Variants in ACACA observed in about 807,000 individuals in gnomAD.
The protein encoded by ACACA is acetyl-CoA carboxylase alpha.
In ACACA, 103 loss-of-function variants were observed where a neutral mutation model predicts 296.1. The ratio of observed to expected loss-of-function variants is 0.35; its 90% CI spans 0.30 to 0.41. The LOEUF is 0.41. Among genes scored for constraint, ACACA ranks in the 10% least tolerant of loss-of-function variants. The pLI is 1.00. For missense variants in ACACA, 1,554 were observed against 2,989.7 expected, an observed-to-expected ratio of 0.52 and a Z score of 11.20; for synonymous variants, 953 against 1,038.6, an observed-to-expected ratio of 0.92 and a Z score of 1.58.
chr17:37,247,259 A>G (rs187012468), intron 18 of ACACA, among the ~76,000 whole-genome samples: 1 of 152,366 alleles, frequency 6.6e-6, no homozygotes, highest in East Asian at 1.9e-4. Context: ...TGATGACGTA[A>G]TAGCTAACAT....
At chr17:37,225,434 C>A in intron 26 of ACACA, 1 of 273,896 alleles carries the variant, frequency 3.7e-6, no homozygotes, top group Non-Finnish European at 7.1e-6. Flanking sequence ...GACTGCATGA[C>A]TAGCTGTTAA....
rs767373323 is a variant in ACACA at position 37,085,667 on chromosome 17, G to T, written c.*1649C>A. ...AGCCGGGCTGAGGCTCTGACTCCTG[G>T]GGGCTGTCCGCTCCATACCCAGCCA... On this transcript the variant is annotated 3_prime_UTR_variant, in exon 56 of 56. Coordinates refer to ENST00000616317, the MANE Select transcript of ACACA (RefSeq NM_198834.3). The T allele has an allele frequency of 7.5e-6, 3 of 398,940 alleles. No homozygotes were observed. The highest frequency in any genetic ancestry group is 1.3e-5 in the Non-Finnish European group (3 of 226,172). 24.7% of individuals were successfully genotyped at this position (398,940 alleles called of 1,614,324 possible).
At chr17:37,359,273 A>G (rs1167649131) in intron 1 of ACACA, among the ~76,000 whole-genome samples, 1 of 152,128 alleles carries the variant, frequency 6.6e-6, no homozygotes, top group Admixed American at 6.5e-5. Flanking sequence ...CGGCGCTGCC[A>G]GGGCCGCCGG....
intron 2 of ACACA, among the ~76,000 whole-genome samples, chr17:37,339,129 G>A (rs1269503195): frequency 6.6e-6 from 1 of 152,172 alleles, no homozygotes; most frequent in Non-Finnish European, 1.5e-5. Flanking sequence ...AAGTTTAAAA[G>A]TAACAGTAGA....
chr17:37,125,482 T>C (rs1478741206), intron 48 of ACACA, among the ~76,000 whole-genome samples: 3 of 152,226 alleles, frequency 2.0e-5, no homozygotes, highest in Non-Finnish European at 2.9e-5. Flanking sequence ...TTGTCAAAAT[T>C]AGCCTTCAGA....
intron 35 of ACACA, among the ~76,000 whole-genome samples, chr17:37,196,622 TAA>T (rs537996961): frequency 7.0e-6 from 1 of 142,030 alleles, no homozygotes. Flanking sequence ...ATGGAAAGCT[TAA>T]AAAAAAAAAA....
At chr17:37,271,113 A>G (rs2082047011) in intron 9 of ACACA, among the ~76,000 whole-genome samples, 1 of 152,258 alleles carries the variant, frequency 6.6e-6, no homozygotes, top group African/African-American at 2.4e-5. Flanking sequence ...CTTATGGTTC[A>G]ATCTAAAGTA....
chr17:37,139,999 C>G (rs771058593), intron 45 of ACACA, among the ~76,000 whole-genome samples: 4 of 152,184 alleles, frequency 2.6e-5, no homozygotes, highest in Non-Finnish European at 5.9e-5. Flanking sequence ...AGTGATCAGT[C>G]TCTGTACAGG....
chr17:37,355,107 G>C (rs1212330639), intron 1 of ACACA, among the ~76,000 whole-genome samples: 1 of 151,958 alleles, frequency 6.6e-6, no homozygotes, highest in Non-Finnish European at 1.5e-5. Context: ...GCCAGGCATG[G>C]TGGCATGCGC....
chr17:37,151,260 C>A (rs772824369), intron 44 of ACACA, 41 bp downstream of exon 44: 1 of 1,612,628 alleles, frequency 6.2e-7, no homozygotes, highest in Non-Finnish European at 8.5e-7. Context: ...CCTAGCCACA[C>A]AGCCAGTTCT....
intron 1 of ACACA, among the ~76,000 whole-genome samples, chr17:37,372,397 A>G (rs2049841199): frequency 6.8e-6 from 1 of 146,768 alleles, no homozygotes; most frequent in Non-Finnish European, 1.5e-5. Flanking sequence ...TGGGCGACAG[A>G]GCGAGACTCT....
chr17:37,309,277 T>C (rs1038337481), intron 3 of ACACA, among the ~76,000 whole-genome samples: 5 of 152,110 alleles, frequency 3.3e-5, no homozygotes, highest in African/African-American at 1.2e-4. Context: ...CCTCCTGCTT[T>C]AGTCTCCCAA....
intron 16 of ACACA, 90 bp downstream of exon 16, chr17:37,251,915 T>C (rs748993902): frequency 1.7e-6 from 2 of 1,203,256 alleles, no homozygotes; most frequent in Admixed American, 1.7e-5. Context: ...CTGCCAGGAA[T>C]GGACAGAAGA....
intron 18 of ACACA, 134 bp from the exon 19 acceptor site, chr17:37,247,110 A>G (rs2080745548): frequency 7.4e-6 from 7 of 943,030 alleles, no homozygotes; most frequent in East Asian, 2.5e-5. Flanking sequence ...TATTCACTGC[A>G]TATTTGTTTA....
intron 35 of ACACA, among the ~76,000 whole-genome samples, chr17:37,195,344 A>G (rs2077946165): frequency 6.6e-6 from 1 of 152,178 alleles, no homozygotes; most frequent in South Asian, 2.1e-4. Context: ...CACTAAACCA[A>G]TTAAGAAAAT....
At chr17:37,310,258 G>A (rs1277716110) in intron 3 of ACACA, among the ~76,000 whole-genome samples, 1 of 152,080 alleles carries the variant, frequency 6.6e-6, no homozygotes, top group Non-Finnish European at 1.5e-5. Flanking sequence ...CAATTCCCAG[G>A]TTTTTTGGTT....
rs79845627 is a variant in ACACA at position 37,393,528 on chromosome 17, G to T, written c.38+12734C>A. ...AGATAAAACCTATGGCAAAATCTGC[G>T]CTCATCAACTCTTCTACAAGAGTAT... On this transcript the variant is annotated intron_variant, in intron 1 of 55. Transcript: ENST00000616317. Among the ~76,000 whole-genome samples, 1,085 of 152,118 alleles carry T rather than the reference G, an allele frequency of 7.1e-3. 10 individuals carry two copies. The highest frequency in any genetic ancestry group is 0.025 in the African/African-American group (1,025 of 41,502).
At chr17:37,221,919 A>C in intron 28 of ACACA, 77 bp from the exon 29 acceptor site, 1 of 1,299,146 alleles carries the variant, frequency 7.7e-7, no homozygotes, top group South Asian at 1.2e-5. Context: ...AGAGTCTTGA[A>C]ACGAGGTATC....
chr17:37,218,147 CAAA>C (rs60487601), intron 29 of ACACA, among the ~76,000 whole-genome samples: 21 of 116,622 alleles, frequency 1.8e-4, no homozygotes, highest in African/African-American at 6.6e-4. Flanking sequence ...CTACCAGTAA[CAAA>C]AAAAAAAAAA....
Sources: allele counts gnomAD v4.1 joint callset (sites outside exome capture counted in the v4.1 genomes callset), GRCh38; gene constraint gnomAD v4.1.1; transcripts MANE v1.5; gene names NCBI Gene and HGNC (gene_info 2026-07-23, HGNC 2026-07-21).